The following TRPS1 variants were observed in gnomAD, a reference collection of about 807,000 sequenced individuals.
The protein encoded by TRPS1 is transcriptional repressor GATA binding 1.
TRPS1 carries 6 observed loss-of-function variants against 101.2 expected under a neutral mutation model. The ratio of observed to expected loss-of-function variants is 0.06; its 90% CI spans 0.03 to 0.12. The LOEUF (loss-of-function observed/expected upper bound fraction) is 0.12. Ranked by LOEUF, TRPS1 falls within the 10% of genes least tolerant of loss-of-function variation. The probability of loss-of-function intolerance (pLI) is 1.00; values close to 1 mark genes in which losing one functional copy is unlikely to be tolerated. For synonymous variants in TRPS1, 578 were observed against 589.8 expected, an observed-to-expected ratio of 0.98 and a Z score of 0.29; for missense variants, 1,363 against 1,567.0, an observed-to-expected ratio of 0.87 and a Z score of 2.20.
chr8:115,517,096 G>T (rs1815731161), intron 5 of TRPS1, among the ~76,000 whole-genome samples: 2 of 151,354 alleles, frequency 1.3e-5, no homozygotes, highest in South Asian at 4.1e-4. Context: ...ATATATGGTT[G>T]TTCATCCAAA....
chr8:115,639,552 A>G (rs2737234), intron 1 of TRPS1, among the ~76,000 whole-genome samples: 76,711 of 151,826 alleles, frequency 0.51, 22,866 homozygotes, highest in African/African-American at 0.83. Flanking sequence ...AATAATGGCC[A>G]GGCGTGGTGG....
chr8:115,530,799 A>C (rs921102455), intron 5 of TRPS1, among the ~76,000 whole-genome samples: 2 of 152,156 alleles, frequency 1.3e-5, no homozygotes, highest in African/African-American at 2.4e-5. Context: ...ATGAAGCTGG[A>C]AACCATCATT....
intron 5 of TRPS1, among the ~76,000 whole-genome samples, chr8:115,569,708 T>C (rs1409944330): frequency 6.6e-6 from 1 of 152,130 alleles, no homozygotes; most frequent in South Asian, 2.1e-4. Context: ...CCATTACACA[T>C]TTCTGGTTAT....
chr8:115,496,082 T>G (rs1815142213), intron 5 of TRPS1, among the ~76,000 whole-genome samples: 1 of 152,200 alleles, frequency 6.6e-6, no homozygotes, highest in Non-Finnish European at 1.5e-5. Context: ...CTACACTTAG[T>G]TGAGCAACTA....
intron 1 of TRPS1, among the ~76,000 whole-genome samples, chr8:115,637,791 T>C (rs963830205): frequency 3.3e-5 from 5 of 152,192 alleles, no homozygotes; most frequent in African/African-American, 1.2e-4. Flanking sequence ...ACAAGCTTCA[T>C]GAAACTTATT....
At chr8:115,552,705 G>A (rs1331244551) in intron 5 of TRPS1, among the ~76,000 whole-genome samples, 1 of 152,036 alleles carries the variant, frequency 6.6e-6, no homozygotes, top group East Asian at 1.9e-4. Context: ...TACCATATTT[G>A]AGCTATATCA....
At chr8:115,422,576 GCCTGGTCTCCAACT>G (rs1189719683) in intron 5 of TRPS1, among the ~76,000 whole-genome samples, 1 of 152,094 alleles carries the variant, frequency 6.6e-6, no homozygotes, top group East Asian at 1.9e-4. Context: ...ACGTTGACCA[GCCTGGTCTCCAACT>G]CCTGACCTCA....
chr8:115,662,390 G>C (rs910184580), intron 1 of TRPS1, among the ~76,000 whole-genome samples: 2 of 151,822 alleles, frequency 1.3e-5, no homozygotes, highest in Non-Finnish European at 2.9e-5. Context: ...CAAAGTCCAC[G>C]ACAAGTAACC....
intron 5 of TRPS1, among the ~76,000 whole-genome samples, chr8:115,433,103 C>T (rs1813362837): frequency 6.6e-6 from 1 of 151,592 alleles, no homozygotes; most frequent in African/African-American, 2.4e-5. Flanking sequence ...AAAATATCAC[C>T]ATAAAGTTTG....
intron 1 of TRPS1, among the ~76,000 whole-genome samples, chr8:115,659,689 A>G (rs1811751233): frequency 6.6e-6 from 1 of 151,980 alleles, no homozygotes; most frequent in Non-Finnish European, 1.5e-5. Context: ...AAATGGGCTG[A>G]TGTATTTTAT....
At chr8:115,535,728 T>C (rs1156327552) in intron 5 of TRPS1, among the ~76,000 whole-genome samples, 1 of 150,832 alleles carries the variant, frequency 6.6e-6, no homozygotes, top group Non-Finnish European at 1.5e-5. Context: ...ATATATATGC[T>C]AAGTTTTTTC....
chr8:115,641,139 C>A (rs1358256488), intron 1 of TRPS1, among the ~76,000 whole-genome samples: 1 of 152,194 alleles, frequency 6.6e-6, no homozygotes, highest in Non-Finnish European at 1.5e-5. Flanking sequence ...TAACTCACAG[C>A]TTGTTAAATA....
intron 5 of TRPS1, among the ~76,000 whole-genome samples, chr8:115,523,480 C>T (rs1815918265): frequency 6.6e-6 from 1 of 151,932 alleles, no homozygotes; most frequent in South Asian, 2.1e-4. Context: ...TGCAGTGAGC[C>T]GAGATCACTC....
chr8:115,513,275 GA>G (rs1188514694), intron 5 of TRPS1, among the ~76,000 whole-genome samples: 2 of 151,668 alleles, frequency 1.3e-5, no homozygotes, highest in African/African-American at 4.8e-5. Context: ...GCAGAAGGGA[GA>G]ATGATTGGTG....
intron 5 of TRPS1, among the ~76,000 whole-genome samples, chr8:115,467,324 C>T (rs2129998690): frequency 6.6e-6 from 1 of 152,084 alleles, no homozygotes; most frequent in Non-Finnish European, 1.5e-5. Flanking sequence ...TGGCAAAACC[C>T]ACTCAATGAT....
chr8:115,446,345 A>C (rs1196281167), intron 5 of TRPS1, among the ~76,000 whole-genome samples: 26 of 150,556 alleles, frequency 1.7e-4, no homozygotes, highest in African/African-American at 5.1e-4. Context: ...AAAAAAAAAA[A>C]ACCAACCCAA....
intron 1 of TRPS1, among the ~76,000 whole-genome samples, chr8:115,624,938 T>C (rs370698156): frequency 6.6e-6 from 1 of 151,696 alleles, no homozygotes; most frequent in Admixed American, 6.6e-5. Flanking sequence ...AGTGTTTTAG[T>C]TATATTTCAT....
chr8:115,469,059 T>C (rs563535310), intron 5 of TRPS1, among the ~76,000 whole-genome samples: 5 of 152,268 alleles, frequency 3.3e-5, no homozygotes, highest in South Asian at 4.1e-4. Flanking sequence ...GAGGATTGCT[T>C]GAGCCTGGGA....
intron 4 of TRPS1, among the ~76,000 whole-genome samples, chr8:115,590,819 A>G (rs1470027822): frequency 1.3e-5 from 2 of 152,222 alleles, no homozygotes; most frequent in Non-Finnish European, 2.9e-5. Context: ...ATGAGAGTTA[A>G]TCAGTATAAA....
Sources: gnomAD v4.1 joint callset for allele counts (sites outside exome capture counted in the v4.1 genomes callset) on GRCh38, gnomAD v4.1.1 for gene constraint, MANE v1.5 for transcripts, NCBI Gene and HGNC (gene_info 2026-07-23, HGNC 2026-07-21) for gene names.